Variants in TAFA1 observed in about 807,000 individuals in gnomAD.
TAFA1 encodes TAFA chemokine like family member 1, also known as chemokine-like protein TAFA-1.
TAFA1 carries 4 observed loss-of-function variants against 18.5 expected under a neutral mutation model. That is an observed-to-expected ratio of 0.22 (90% CI 0.11 to 0.49). The LOEUF is 0.49. Ranked by LOEUF, TAFA1 falls within the 20% of genes least tolerant of loss-of-function variation. The probability of loss-of-function intolerance (pLI) is 0.98; values close to 1 mark genes in which losing one functional copy is unlikely to be tolerated. For missense variants in TAFA1, 147 were observed against 169.0 expected (o/e 0.87, Z 0.72); for synonymous variants, 56 against 55.2 (o/e 1.01, Z -0.06).
chr3:68,007,465 C>T (rs1261515845), intron 2 of TAFA1, among the ~76,000 whole-genome samples: 2 of 152,284 alleles, frequency 1.3e-5, no homozygotes, highest in African/African-American at 4.8e-5. Flanking sequence ...TTCTTTGCCT[C>T]TCCAGCTTTC....
chr3:68,131,384 G>A (rs192319047), intron 2 of TAFA1, among the ~76,000 whole-genome samples: 51 of 152,244 alleles, frequency 3.3e-4, no homozygotes, highest in Admixed American at 2.2e-3. Context: ...GAGCTGTTTA[G>A]GCTGGCCAAT....
At chr3:68,476,594 G>A (rs906997601) in intron 3 of TAFA1, among the ~76,000 whole-genome samples, 1 of 152,102 alleles carries the variant, frequency 6.6e-6, no homozygotes, top group African/African-American at 2.4e-5. Context: ...TTTTCAAGTT[G>A]ACTTAAGGTG....
At position 68,200,742 on chromosome 3, in the gene TAFA1, C is replaced by CT. The variant is rs200646364; in HGVS notation, c.118+194006dup. Among the ~76,000 whole-genome samples, 643 of 151,354 alleles carry CT rather than the reference C, an allele frequency of 4.2e-3. 4 individuals are homozygous for CT. Among genetic ancestry groups the CT allele is most frequent in the Non-Finnish European group, 5.1e-3 (345 of 67,596 alleles). ...AGTTTGTATCCATTCTCTTTATCTT[C>CT]TTTTTTTTAAAATTAGCCTGGCTAG... On this transcript the variant is annotated intron_variant, in intron 2 of 4. Transcript: ENST00000478136.
At chr3:68,234,833 C>T (rs966548643) in intron 2 of TAFA1, among the ~76,000 whole-genome samples, 2 of 152,138 alleles carry the variant, frequency 1.3e-5, no homozygotes, top group African/African-American at 4.8e-5. Flanking sequence ...CACATAAAGG[C>T]AAAGTGGCAG....
intron 2 of TAFA1, among the ~76,000 whole-genome samples, chr3:68,273,402 T>C (rs1279674949): frequency 6.6e-6 from 1 of 152,214 alleles, no homozygotes; most frequent in Non-Finnish European, 1.5e-5. Flanking sequence ...CCTCTTTGTG[T>C]CTTGCAAAGG....
chr3:68,002,500 T>G (rs1390868742), upstream of TAFA1, among the ~76,000 whole-genome samples: 3 of 152,222 alleles, frequency 2.0e-5, no homozygotes, highest in Non-Finnish European at 4.4e-5. Context: ...CCTTTTAATT[T>G]TAATTCATTA....
At chr3:68,110,661 C>A (rs1484213356) in intron 2 of TAFA1, among the ~76,000 whole-genome samples, 1 of 152,084 alleles carries the variant, frequency 6.6e-6, no homozygotes, top group Admixed American at 6.6e-5. Flanking sequence ...AGATTGAGAG[C>A]CATCATGCAT....
intron 2 of TAFA1, among the ~76,000 whole-genome samples, chr3:68,194,198 G>A (rs2066383449): frequency 6.6e-6 from 1 of 151,690 alleles, no homozygotes; most frequent in Non-Finnish European, 1.5e-5. Flanking sequence ...AGTCAATGGG[G>A]TAGGAATGCA....
chr3:68,018,224 G>T (rs1460233303), intron 2 of TAFA1, among the ~76,000 whole-genome samples: 1 of 152,194 alleles, frequency 6.6e-6, no homozygotes, highest in Non-Finnish European at 1.5e-5. Flanking sequence ...AAGAGCCCCA[G>T]TGTCACAATG....
intron 2 of TAFA1, among the ~76,000 whole-genome samples, chr3:68,141,661 G>C (rs2065668460): frequency 6.6e-6 from 1 of 152,168 alleles, no homozygotes; most frequent in Non-Finnish European, 1.5e-5. Flanking sequence ...ACAGTGAAAG[G>C]ATGTAGGCTT....
chr3:68,045,222 G>A (rs1255570475), intron 2 of TAFA1, among the ~76,000 whole-genome samples: 1 of 152,094 alleles, frequency 6.6e-6, no homozygotes, highest in Non-Finnish European at 1.5e-5. Flanking sequence ...AGGAGCAATA[G>A]GGGAAAAATA....
intron 2 of TAFA1, among the ~76,000 whole-genome samples, chr3:68,093,331 G>A (rs959276409): frequency 2.0e-5 from 3 of 151,982 alleles, no homozygotes; most frequent in Non-Finnish European, 4.4e-5. Context: ...CCCATAACTT[G>A]GTCTAATTTC....
At position 68,511,698 on chromosome 3, in the gene TAFA1, G is replaced by A. The variant is rs557161465; in HGVS notation, c.260-27058G>A. ...CTTATGATAGTTGAATGTTTTCCTG[G>A]TAGTCTTAGTTACCACAGATAAACT... is the stretch of plus-strand genomic sequence containing the variant. On this transcript the variant is annotated intron_variant, in intron 3 of 4. Transcript: ENST00000478136. Among the ~76,000 whole-genome samples the A allele has an allele frequency of 2.1e-4, 32 of 152,030 alleles. No individual in the cohort carries two copies. The South Asian group carries it at 5.8e-3, about 28-fold the overall frequency.
chr3:68,024,723 C>T (rs1704775171), intron 2 of TAFA1, among the ~76,000 whole-genome samples: 1 of 151,814 alleles, frequency 6.6e-6, no homozygotes, highest in Admixed American at 6.6e-5. Context: ...AATCTCTCAC[C>T]TCCCATCCCT....
intron 2 of TAFA1, among the ~76,000 whole-genome samples, chr3:68,240,663 A>G (rs2066984967): frequency 6.6e-6 from 1 of 152,152 alleles, no homozygotes; most frequent in African/African-American, 2.4e-5. Context: ...TTAAGTGTAT[A>G]TCACTCTCCT....
chr3:68,103,963 C>G (rs1468764880), intron 2 of TAFA1, among the ~76,000 whole-genome samples: 3 of 152,134 alleles, frequency 2.0e-5, no homozygotes, highest in Non-Finnish European at 1.5e-5. Context: ...CAGCTTCTTC[C>G]CATTGACTTA....
At chr3:68,127,664 G>C in intron 2 of TAFA1, among the ~76,000 whole-genome samples, 2 of 748 alleles carry the variant, frequency 2.7e-3, no homozygotes, top group Admixed American at 0.015. Flanking sequence ...TGGTGGTGGT[G>C]TGATGATGGT....
intron 3 of TAFA1, among the ~76,000 whole-genome samples, chr3:68,427,456 A>G (rs573513275): frequency 1.3e-5 from 2 of 152,038 alleles, no homozygotes; most frequent in East Asian, 1.9e-4. Flanking sequence ...TCCTTCTGCA[A>G]CAACACTGGA....
At chr3:68,353,217 A>G (rs769902402) in intron 2 of TAFA1, among the ~76,000 whole-genome samples, 1 of 152,200 alleles carries the variant, frequency 6.6e-6, no homozygotes, top group Non-Finnish European at 1.5e-5. Context: ...TAACTGATCC[A>G]AGCACCAAGC....
Sources: gnomAD v4.1 joint callset for allele counts (sites outside exome capture counted in the v4.1 genomes callset) on GRCh38, gnomAD v4.1.1 for gene constraint, MANE v1.5 for transcripts, NCBI Gene and HGNC (gene_info 2026-07-23, HGNC 2026-07-21) for gene names.